The following PPP6R1 variants were observed in gnomAD, a reference collection of about 807,000 sequenced individuals.
The protein encoded by PPP6R1 is serine/threonine-protein phosphatase 6 regulatory subunit 1.
In PPP6R1, 39 loss-of-function variants were observed where a neutral mutation model predicts 104.6. That is an observed-to-expected ratio of 0.37 (90% CI 0.29 to 0.49). The LOEUF (loss-of-function observed/expected upper bound fraction) is 0.49. PPP6R1 is among the 20% of genes least tolerant of loss of function. The pLI is 0.98. For missense variants in PPP6R1, 1,181 were observed against 1,155.8 expected (o/e 1.02, Z -0.32); for synonymous variants, 549 against 479.0 (o/e 1.15, Z -1.91).
At chr19:55,230,738 A>G (rs1568941926) in intron 22 of PPP6R1, 36 bp downstream of exon 22, 17 of 925,452 alleles carry the variant, frequency 1.8e-5, no homozygotes, top group Non-Finnish European at 2.4e-5. Flanking sequence ...CACCAGCCCC[A>G]CCCCCACCCC....
In PPP6R1 at chr19:55,239,433, C is replaced by T; in HGVS notation, c.1723G>A (p.Glu575Lys). The change falls in exon 15 of 24, where the codon GAG becomes AAG. Residue 575 changes from glutamate (E) to lysine (K), a missense_variant. Around this residue, in one of 2 missense-constraint regions of PPP6R1, gnomAD observed 1,042 missense variants for 955.6 expected, o/e 1.09. Transcript: ENST00000412770. ...FIDHFGFNDE[E>K]FGEQEESVNA... ...ACACTCTCCTCCTGCTCCCCAAACT[C>T]CTCATCATTGAAGCCGAAGTGGTCA... 3 of 1,613,956 alleles carry T rather than the reference C, an allele frequency of 1.9e-6. No homozygotes were observed. The highest frequency in any genetic ancestry group is 2.5e-6 in the Non-Finnish European group (3 of 1,179,852).
intron 1 of PPP6R1, among the ~76,000 whole-genome samples, chr19:55,256,235 A>G (rs1156397737): frequency 6.6e-6 from 1 of 152,246 alleles, no homozygotes; most frequent in South Asian, 2.1e-4. Context: ...AACAGAGCAA[A>G]TAAGCCACAA....
chr19:55,230,336 TCTC>T lies in PPP6R1; in HGVS notation c.*189_*191del. 1.4e-6 allele frequency: 1 copy of T among 714,178 alleles called. No homozygotes were observed. Among genetic ancestry groups the T allele is most frequent in the East Asian group, 2.7e-5 (1 of 36,830 alleles). The allele number at this position is 714,178 out of a possible 1,614,324, so 44.2% of individuals were successfully genotyped here. A position where few individuals can be genotyped will look rare whatever the true frequency, so the allele number is the denominator to read the frequency against. Reference sequence around the variant, plus strand: ...TTCTAGGAGGCAACGCTCCAAAACTTCTCTTCTCAGTGCAAATGGGGGTGGGTT... The same window carrying T: ...TTCTAGGAGGCAACGCTCCAAAACTTTTCTCAGTGCAAATGGGGGTGGGTT... On this transcript the variant is annotated 3_prime_UTR_variant, in exon 24 of 24. Transcript: ENST00000412770.
chr19:55,242,995 G>T (rs1180348676), intron 5 of PPP6R1, among the ~76,000 whole-genome samples: 1 of 152,086 alleles, frequency 6.6e-6, no homozygotes, highest in Non-Finnish European at 1.5e-5. Context: ...GTTGCCGGGG[G>T]CTAAGAAGAG....
At chr19:55,229,445 A>G (rs796503006), downstream of PPP6R1, 10 of 152,332 alleles carry the variant, frequency 6.6e-5, no homozygotes, top group African/African-American at 2.4e-4. Context: ...CTACACTTCT[A>G]CCTTCTACCT....
Position 55,231,449 on chromosome 19 carries a change from G to A in PPP6R1, c.2420C>T (p.Thr807Ile), listed in dbSNP as rs368498284. The change falls in exon 21 of 24, where the codon ACC becomes ATC. Residue 807 changes from threonine to isoleucine, a missense_variant. Physicochemically the swap from Thr to Ile is moderately conservative, Grantham distance 89. Around this residue, in one of 2 missense-constraint regions of PPP6R1, gnomAD observed 1,042 missense variants for 955.6 expected, o/e 1.09. Transcript: ENST00000412770. ...ALVSIGDLQATFHGIRSAPSS... is the reference protein window; with the variant it reads ...ALVSIGDLQAIFHGIRSAPSS... ...GGGGGCAGAACGGATCCCGTGGAAG[G>A]TGGCCTGAAGGTCCCCGATGCTAAC... 6.8e-6 allele frequency: 11 copies of A among 1,607,790 alleles called. No individual in the cohort carries two copies. The African/African-American group carries it at 1.2e-4, about 18-fold the overall frequency.
At chr19:55,257,596 C>CA (rs2087603318) in intron 1 of PPP6R1, among the ~76,000 whole-genome samples, 1 of 152,152 alleles carries the variant, frequency 6.6e-6, no homozygotes, top group Admixed American at 6.5e-5. Context: ...CCCTTCTTCC[C>CA]ACTCTCCATC....
rs958413648 is a variant in PPP6R1 at position 55,232,089 on chromosome 19, C to G, written c.2111G>C (p.Gly704Ala). The G allele has an allele frequency of 6.2e-7, 1 of 1,610,420 alleles. No homozygotes were observed. Among genetic ancestry groups the G allele is most frequent in the Non-Finnish European group, 8.5e-7 (1 of 1,178,402 alleles). ...CATTCATTCACCTGGAGGCTGAGGG[C>G]CAGGGCTGGGGTAGGACAGAGGGGT... is the stretch of plus-strand genomic sequence containing the variant. ...GATPLSYPSP[G>A]PQPPGPSWTA... is the part of the protein sequence containing the mutation. The change falls in exon 18 of 24, where the codon GGC becomes GCC. Residue 704 changes from glycine to alanine, a missense_variant. Transcript: ENST00000412770.
rs1376481017 is a variant in PPP6R1 at position 55,240,129 on chromosome 19, G to A, written c.1362-15C>T. 4 of 1,567,298 alleles carry A rather than the reference G, an allele frequency of 2.6e-6. No individual in the cohort carries two copies. The highest frequency in any genetic ancestry group is 1.9e-5 in the Admixed American group (1 of 53,294). ...CTCCCGCACACCTGGCAAGAGTGAA[G>A]GCCGCGGCTGCAAGCCAGGACTGGA... is the stretch of plus-strand genomic sequence containing the variant. On this transcript the variant is annotated splice_polypyrimidine_tract_variant and intron_variant, in intron 11 of 23. Transcript: ENST00000412770.
intron 1 of PPP6R1, among the ~76,000 whole-genome samples, chr19:55,254,403 G>A (rs1480593289): frequency 1.3e-5 from 2 of 152,164 alleles, no homozygotes; most frequent in African/African-American, 4.8e-5. Context: ...TAGCTGTGGT[G>A]TTTTAGGGCC....
At chr19:55,247,390 G>A (rs1343239254) in intron 1 of PPP6R1, 1 of 464,332 alleles carries the variant, frequency 2.2e-6, no homozygotes, top group Non-Finnish European at 4.0e-6. Flanking sequence ...CTCGCCTGAG[G>A]TCCAGGGGGT....
In PPP6R1 at chr19:55,231,834, G is replaced by A. The variant is rs750561636; in HGVS notation, c.2274C>T (p.Ala758=). ...VPQGLPTQSL[A]SPPARDALQL... ...GCAGGGCGTCACGGGCAGGAGGGCT[G>A]GCCAGGCTCTGAGTGGGGAGGCCCT... Residue 758 remains alanine (A), a synonymous_variant, in exon 19 of 24, where the codon GCC becomes GCT. Coordinates refer to ENST00000412770, the MANE Select transcript of PPP6R1 (RefSeq NM_014931.4). 14 of 1,503,892 alleles carry A rather than the reference G, an allele frequency of 9.3e-6. No homozygotes were observed. Among genetic ancestry groups the A allele is most frequent in the Non-Finnish European group, 1.2e-5 (14 of 1,127,500 alleles). The allele number at this position is 1,503,892 out of a possible 1,614,324, so 93.2% of individuals were successfully genotyped here.
intron 15 of PPP6R1, among the ~76,000 whole-genome samples, chr19:55,238,203 T>C (rs2087416217): frequency 6.6e-6 from 1 of 151,960 alleles, no homozygotes; most frequent in Non-Finnish European, 1.5e-5. Context: ...TCCAGCCCAG[T>C]TTTCACTTGA....
chr19:55,230,155 C>T lies in PPP6R1; in HGVS notation c.*373G>A. The T allele has an allele frequency of 4.4e-6, 1 of 227,258 alleles. No individual in the cohort carries two copies. The allele number at this position is 227,258 out of a possible 1,614,324, so 14.1% of individuals were successfully genotyped here. A position where few individuals can be genotyped will look rare whatever the true frequency, so the allele number is the denominator to read the frequency against. On this transcript the variant is annotated 3_prime_UTR_variant, in exon 24 of 24. Coordinates refer to ENST00000412770, the MANE Select transcript of PPP6R1 (RefSeq NM_014931.4). ...GTGGCAACCTTGGGACCCCTAACAC[C>T]AGCTCCCGCTGGGACGGAACAGGGA...
At chr19:55,256,586 G>A (rs1165873928) in intron 1 of PPP6R1, among the ~76,000 whole-genome samples, 2 of 152,210 alleles carry the variant, frequency 1.3e-5, no homozygotes, top group South Asian at 2.1e-4. Flanking sequence ...TAGGTAGGAG[G>A]ACTGCTTGAA....
At position 55,242,168 on chromosome 19, in the gene PPP6R1, C is replaced by A. The variant is rs7507792; in HGVS notation, c.843G>T (p.Pro281=). The part of the protein sequence containing the change: ...VLLTLLEPRR[P]RSESVTVNSF... ...GGTCTGTGGCCCGTATCCCTCACCTCGGCCTCCTGGGCTCCAGCAGGGTCA... is the reference window on the plus strand; with the variant it reads ...GGTCTGTGGCCCGTATCCCTCACCTAGGCCTCCTGGGCTCCAGCAGGGTCA... Residue 281 remains proline (P), a splice_region_variant and synonymous_variant, in exon 7 of 24, where the codon CCG becomes CCT. Transcript: ENST00000412770. 17,853 of 1,612,300 alleles carry A rather than the reference C, an allele frequency of 0.011. 361 individuals are homozygous for A. Among genetic ancestry groups the A allele is most frequent in the African/African-American group, 0.083 (6,219 of 75,020 alleles).
chr19:55,246,089 C>T (rs898375107), intron 2 of PPP6R1, among the ~76,000 whole-genome samples: 2 of 152,184 alleles, frequency 1.3e-5, no homozygotes, highest in South Asian at 2.1e-4. Flanking sequence ...AACTTTCACA[C>T]GGTGCCTGAC....
rs1201151841 is a variant in PPP6R1 at position 55,230,300 on chromosome 19, CTG to C, written c.*226_*227del. The C allele has an allele frequency of 1.7e-6, 1 of 601,726 alleles. No homozygotes were observed. Among genetic ancestry groups the C allele is most frequent in the East Asian group, 2.8e-5 (1 of 36,162 alleles). The allele number at this position is 601,726 out of a possible 1,614,324, so 37.3% of individuals were successfully genotyped here. ...CTCTCCATTCTCTCTATTTGACTCT[CTG>C]TATCTTTATTCTAGGAGGCAACGCT... On this transcript the variant is annotated 3_prime_UTR_variant, in exon 24 of 24. Coordinates refer to ENST00000412770, the MANE Select transcript of PPP6R1 (RefSeq NM_014931.4).
intron 15 of PPP6R1, among the ~76,000 whole-genome samples, chr19:55,237,757 G>A (rs1019614762): frequency 6.6e-6 from 1 of 152,218 alleles, no homozygotes; most frequent in Admixed American, 6.5e-5. Context: ...ACCACGCTGG[G>A]CACACAGTGG....
Sources: allele counts gnomAD v4.1 joint callset (sites outside exome capture counted in the v4.1 genomes callset), GRCh38; gene constraint gnomAD v4.1.1; regional missense constraint gnomAD v4.1.1; transcripts MANE v1.5; gene names NCBI Gene and HGNC (gene_info 2026-07-23, HGNC 2026-07-21).